Variants in CWF19L1 observed in about 807,000 individuals in gnomAD.
The protein encoded by CWF19L1 is CWF19-like protein 1.
CWF19L1 carries 60 observed loss-of-function variants against 69.7 expected under a neutral mutation model. That is an observed-to-expected ratio of 0.86 (90% CI 0.70 to 1.07). The LOEUF is 1.07. CWF19L1 is among the 50% of genes least tolerant of loss of function. The pLI is 0.00. For synonymous variants in CWF19L1, 209 were observed against 222.2 expected, an observed-to-expected ratio of 0.94 and a Z score of 0.53; for missense variants, 591 against 638.9, an observed-to-expected ratio of 0.92 and a Z score of 0.81.
At chr10:100,251,366 C>T (rs1847022661) in intron 6 of CWF19L1, among the ~76,000 whole-genome samples, 3 of 152,194 alleles carry the variant, frequency 2.0e-5, no homozygotes, top group South Asian at 2.1e-4. Context: ...CCTCCACATC[C>T]TTGTCAACAC....
chr10:100,265,553 C>T (rs533768546), intron 1 of CWF19L1, among the ~76,000 whole-genome samples: 2 of 140,538 alleles, frequency 1.4e-5, no homozygotes, highest in South Asian at 4.3e-4. Flanking sequence ...GACAGTCTCG[C>T]TCTGTCGCCC....
At chr10:100,267,544 G>C in intron 1 of CWF19L1, 27 bp downstream of exon 1, 1 of 1,614,212 alleles carries the variant, frequency 6.2e-7, no homozygotes, top group Non-Finnish European at 8.5e-7. Flanking sequence ...GACACAGGGA[G>C]AGAGGCTTCC....
intron 2 of CWF19L1, 112 bp from the exon 3 acceptor site, chr10:100,261,156 TAATC>T (rs1028734552): frequency 4.3e-6 from 3 of 696,034 alleles, no homozygotes; most frequent in East Asian, 2.8e-5. Context: ...TTTTAATTCT[TAATC>T]AATTTGCAGA....
rs751964727 is a variant in CWF19L1 at position 100,245,807 on chromosome 10, C to A, written c.956G>T (p.Arg319Leu). The A allele has an allele frequency of 6.2e-7, 1 of 1,612,880 alleles. No individual in the cohort carries two copies. Among genetic ancestry groups the A allele is most frequent in the Non-Finnish European group, 8.5e-7 (1 of 1,178,886 alleles). Reference sequence around the variant, plus strand: ...GGAATAAAGGTACTTACGAGGTTTGCGAGGCTGCTTTGGATGAGGAGAAGA... The same window carrying A: ...GGAATAAAGGTACTTACGAGGTTTGAGAGGCTGCTTTGGATGAGGAGAAGA... ...SKSSPHPKQP[R>L]KPPQPPGPCW... The change falls in exon 9 of 14, where the codon CGC (arginine) becomes CTC (leucine). Residue 319 changes from arginine to leucine, a missense_variant. Transcript: ENST00000354105.
chr10:100,254,766 A>T (rs1175550745), intron 5 of CWF19L1: 1 of 152,160 alleles, frequency 6.6e-6, no homozygotes, highest in Non-Finnish European at 1.5e-5. Context: ...TTCCTTACAG[A>T]GCATCATATG....
chr10:100,246,229 G>A (rs771212346), intron 8 of CWF19L1: 61 of 254,654 alleles, frequency 2.4e-4, no homozygotes, highest in Non-Finnish European at 4.3e-4. Flanking sequence ...CTCTCAACAG[G>A]GACATAGTGT....
chr10:100,242,024 A>G (rs1160987042), intron 10 of CWF19L1, among the ~76,000 whole-genome samples: 1 of 152,226 alleles, frequency 6.6e-6, no homozygotes, highest in Non-Finnish European at 1.5e-5. Context: ...CAGAAAACCC[A>G]GGGAAATCAG....
At chr10:100,261,093 A>G (rs762690472) in intron 2 of CWF19L1, 49 bp from the exon 3 acceptor site, 13 of 1,212,592 alleles carry the variant, frequency 1.1e-5, no homozygotes, top group African/African-American at 1.5e-5. Flanking sequence ...AATATCAAAC[A>G]GTACATAATT....
At chr10:100,248,457 A>G (rs1846905557) in intron 7 of CWF19L1, 4 of 683,708 alleles carry the variant, frequency 5.9e-6, no homozygotes, top group Non-Finnish European at 1.1e-5. Context: ...CAAACCTATT[A>G]TCTTTGACTG....
At chr10:100,251,129 G>A (rs978790678) in intron 6 of CWF19L1, among the ~76,000 whole-genome samples, 1 of 152,072 alleles carries the variant, frequency 6.6e-6, no homozygotes, top group Non-Finnish European at 1.5e-5. Context: ...CCAGGTGATG[G>A]ACATTTGGGT....
intron 7 of CWF19L1, chr10:100,249,040 G>C: frequency 1.7e-6 from 1 of 584,446 alleles, no homozygotes; most frequent in Non-Finnish European, 3.2e-6. Flanking sequence ...CTCCCTGCCA[G>C]CGGGGCAGTC....
chr10:100,248,448 A>T, intron 7 of CWF19L1: 1 of 689,862 alleles, frequency 1.4e-6, no homozygotes, highest in Non-Finnish European at 2.7e-6. Flanking sequence ...ATGGGTACAC[A>T]AACCTATTAT....
In CWF19L1 at chr10:100,250,280, G is replaced by T; in HGVS notation, c.676C>A (p.Leu226Met). Residue 226 changes from leucine to methionine, a missense_variant, in exon 7 of 14, where the codon CTG becomes ATG. Transcript: ENST00000354105. ...TTTTCTGGATTTCCAACATTTGCCAGAGCTATAAACCGGGTGGCATGCTGT... is the reference window on the plus strand; with the variant it reads ...TTTTCTGGATTTCCAACATTTGCCATAGCTATAAACCGGGTGGCATGCTGT... The part of the protein sequence containing the change: ...NAQHATRFIA[L>M]ANVGNPEKKK... 1 of 1,612,742 alleles carries T rather than the reference G, an allele frequency of 6.2e-7. No individual in the cohort carries two copies. Among genetic ancestry groups the T allele is most frequent in the Non-Finnish European group, 8.5e-7 (1 of 1,178,900 alleles).
At chr10:100,235,229 ACAGTAC>A (rs1846393739) in intron 13 of CWF19L1, among the ~76,000 whole-genome samples, 1 of 152,204 alleles carries the variant, frequency 6.6e-6, no homozygotes, top group Non-Finnish European at 1.5e-5. Context: ...AATCGGGATG[ACAGTAC>A]CTACCTTACA....
chr10:100,248,720 C>A, intron 7 of CWF19L1: 1 of 1,131,254 alleles, frequency 8.8e-7, no homozygotes, highest in Non-Finnish European at 1.3e-6. Flanking sequence ...AACGACCTTA[C>A]AGAGCAAGCA....
chr10:100,255,528 C>T (rs953416604), intron 5 of CWF19L1, among the ~76,000 whole-genome samples: 13 of 151,914 alleles, frequency 8.6e-5, no homozygotes, highest in African/African-American at 2.9e-4. Flanking sequence ...TTTGGGAGGC[C>T]GAGGCAGGCA....
At chr10:100,263,908 G>T (rs1258137662) in intron 1 of CWF19L1, among the ~76,000 whole-genome samples, 1 of 152,220 alleles carries the variant, frequency 6.6e-6, no homozygotes, top group East Asian at 1.9e-4. Context: ...TTTCCAAAAT[G>T]AAAATTTGAT....
At chr10:100,248,574 CTTGACCAGCA>C in intron 7 of CWF19L1, 5 of 733,848 alleles carry the variant, frequency 6.8e-6, no homozygotes, top group Non-Finnish European at 1.3e-5. Flanking sequence ...TTCCTCGCAT[CTTGACCAGCA>C]TTGAAGAGGA....
At chr10:100,245,163 C>A (rs545431981) in intron 9 of CWF19L1, among the ~76,000 whole-genome samples, 10 of 151,956 alleles carry the variant, frequency 6.6e-5, no homozygotes, top group African/African-American at 2.4e-4. Flanking sequence ...GCTGGGACTA[C>A]AGGACCGTGC....
Sources: gnomAD v4.1 joint callset for allele counts (sites outside exome capture counted in the v4.1 genomes callset) on GRCh38, gnomAD v4.1.1 for gene constraint, MANE v1.5 for transcripts, NCBI Gene and HGNC (gene_info 2026-07-23, HGNC 2026-07-21) for gene names.